Variants in PACRG observed in about 807,000 individuals in gnomAD.
PACRG encodes parkin coregulated gene protein.
In PACRG, 29 loss-of-function variants were observed where a neutral mutation model predicts 29.7. That is an observed-to-expected ratio of 0.98 (90% CI 0.73 to 1.33). The LOEUF (loss-of-function observed/expected upper bound fraction) is 1.33, where lower values mean the gene tolerates loss of function less well. PACRG is among the 40% of genes most tolerant of loss of function. PACRG has a pLI of 0.00. For missense variants in PACRG, 279 were observed against 316.2 expected, an observed-to-expected ratio of 0.88 and a Z score of 0.89; for synonymous variants, 116 against 118.7, an observed-to-expected ratio of 0.98 and a Z score of 0.15.
chr6:162,765,526 T>C (rs969508114), intron 1 of PACRG, among the ~76,000 whole-genome samples: 7 of 152,242 alleles, frequency 4.6e-5, no homozygotes, highest in African/African-American at 1.7e-4. Context: ...TGTGGGAACA[T>C]GGAAAAGGGA....
chr6:162,996,861 T>C (rs1804111342), intron 2 of PACRG, among the ~76,000 whole-genome samples: 1 of 152,062 alleles, frequency 6.6e-6, no homozygotes, highest in African/African-American at 2.4e-5. Context: ...TTTAGAAAAA[T>C]AGAAAGAATA....
intron 4 of PACRG, among the ~76,000 whole-genome samples, chr6:163,195,914 C>T: frequency 6.6e-6 from 1 of 152,156 alleles, no homozygotes; most frequent in East Asian, 1.9e-4. Context: ...TCACTCATTC[C>T]TCCCTCCCTG....
At chr6:162,881,140 A>G (rs943983376) in intron 2 of PACRG, among the ~76,000 whole-genome samples, 1 of 152,330 alleles carries the variant, frequency 6.6e-6, no homozygotes, top group Middle Eastern at 3.4e-3. Flanking sequence ...GCCTCAGTGC[A>G]TATACTTCAT....
At chr6:163,207,663 G>A (rs186953514) in intron 4 of PACRG, among the ~76,000 whole-genome samples, 4 of 152,250 alleles carry the variant, frequency 2.6e-5, no homozygotes, top group East Asian at 3.9e-4. Flanking sequence ...AGCACTCAGC[G>A]TGTGCCCAGA....
intron 2 of PACRG, among the ~76,000 whole-genome samples, chr6:162,949,962 C>T (rs1419233662): frequency 6.6e-6 from 1 of 152,126 alleles, no homozygotes; most frequent in Non-Finnish European, 1.5e-5. Flanking sequence ...AGGGAAATTG[C>T]ATTAGATGAA....
At chr6:163,164,708 G>T (rs1326460645) in intron 4 of PACRG, among the ~76,000 whole-genome samples, 2 of 152,186 alleles carry the variant, frequency 1.3e-5, no homozygotes, top group Non-Finnish European at 1.5e-5. Context: ...CTTAGTTCAA[G>T]CTGGGCCCCC....
intron 4 of PACRG, among the ~76,000 whole-genome samples, chr6:163,162,288 T>G (rs985916039): frequency 6.6e-6 from 1 of 152,200 alleles, no homozygotes; most frequent in African/African-American, 2.4e-5. Context: ...TCAATGCTCA[T>G]TAATTATCAA....
At chr6:162,800,648 G>C (rs1785778569) in intron 1 of PACRG, among the ~76,000 whole-genome samples, 1 of 152,134 alleles carries the variant, frequency 6.6e-6, no homozygotes, top group African/African-American at 2.4e-5. Context: ...TGTCGACTGG[G>C]ATATGTTTCC....
chr6:163,059,620 G>A (rs753339811), intron 2 of PACRG, among the ~76,000 whole-genome samples: 50 of 152,188 alleles, frequency 3.3e-4, no homozygotes, highest in African/African-American at 2.2e-4. Flanking sequence ...AGGCAGTGCC[G>A]TGTCATATAG....
chr6:162,990,724 C>A (rs1803379445), intron 2 of PACRG, among the ~76,000 whole-genome samples: 2 of 135,454 alleles, frequency 1.5e-5, no homozygotes, highest in African/African-American at 6.9e-5. Flanking sequence ...TTTTGCTGTG[C>A]AGAAGCTCTT....
intron 2 of PACRG, among the ~76,000 whole-genome samples, chr6:162,965,299 G>A (rs558306859): frequency 6.6e-6 from 1 of 152,272 alleles, no homozygotes; most frequent in East Asian, 1.9e-4. Context: ...CAGAGGTAAG[G>A]CCTGCCTGTT....
chr6:163,162,610 G>A (rs534125475), intron 4 of PACRG, among the ~76,000 whole-genome samples: 1 of 152,192 alleles, frequency 6.6e-6, no homozygotes. Context: ...CAGTTCACAC[G>A]GTCAGAGGGT....
chr6:163,248,908 C>T (rs566824097), intron 4 of PACRG, among the ~76,000 whole-genome samples: 20 of 150,568 alleles, frequency 1.3e-4, no homozygotes, highest in East Asian at 1.2e-3. Context: ...GGACACTACT[C>T]GGGAGGCTGA....
intron 2 of PACRG, among the ~76,000 whole-genome samples, chr6:162,860,768 G>A (rs927839462): frequency 6.6e-6 from 1 of 152,166 alleles, no homozygotes; most frequent in African/African-American, 2.4e-5. Context: ...CCATGATTAT[G>A]TTCCCTAAGC....
At chr6:163,304,015 CAAAAAAAAAAAA>C (rs59861286) in intron 4 of PACRG, among the ~76,000 whole-genome samples, 2 of 76,250 alleles carry the variant, frequency 2.6e-5, no homozygotes, top group Non-Finnish European at 2.4e-5. Context: ...GACTCCATTT[CAAAAAAAAAAAA>C]AAAAAAAAAA....
At chr6:162,805,476 G>T (rs1584411137) in intron 1 of PACRG, among the ~76,000 whole-genome samples, 2 of 152,180 alleles carry the variant, frequency 1.3e-5, no homozygotes, top group East Asian at 3.9e-4. Flanking sequence ...CAGTGTGGTG[G>T]TTGCTGAAAG....
At position 162,728,009 on chromosome 6, in the gene PACRG, T is replaced by C. The variant is rs1779404135; in HGVS notation, c.-227T>C. The C allele has an allele frequency of 7.8e-6, 5 of 641,470 alleles. No homozygotes were observed. Among genetic ancestry groups the C allele is most frequent in the South Asian group, 7.5e-5 (4 of 53,024 alleles). The allele number at this position is 641,470 out of a possible 1,614,324, so 39.7% of individuals were successfully genotyped here. On this transcript the variant is annotated 5_prime_UTR_variant, in exon 1 of 5. Coordinates refer to ENST00000366888, the MANE Select transcript of PACRG (RefSeq NM_001080379.2). ...CGGGAGGCTTACCTTTGGAAGCTTG[T>C]TGCAGCTCTAGCCAAGGTCCTGCCC...
intron 4 of PACRG, among the ~76,000 whole-genome samples, chr6:163,102,505 C>T (rs572080610): frequency 2.0e-4 from 30 of 152,308 alleles, no homozygotes; most frequent in African/African-American, 7.2e-4. Flanking sequence ...GAGAGTCTCC[C>T]TCTCTGGGCT....
At chr6:162,786,672 T>G (rs1784489673) in intron 1 of PACRG, among the ~76,000 whole-genome samples, 2 of 152,044 alleles carry the variant, frequency 1.3e-5, no homozygotes, top group African/African-American at 4.8e-5. Context: ...TCTTAACGAG[T>G]TTAGCCTAAT....
Sources: gnomAD v4.1 joint callset for allele counts (sites outside exome capture counted in the v4.1 genomes callset) on GRCh38, gnomAD v4.1.1 for gene constraint, MANE v1.5 for transcripts, NCBI Gene and HGNC (gene_info 2026-07-23, HGNC 2026-07-21) for gene names.